Variants in CDH18 observed in about 807,000 individuals in gnomAD.
The protein encoded by CDH18 is cadherin 18.
A neutral mutation model predicts 67.9 loss-of-function variants in CDH18; 31 were observed. The observed-to-expected ratio is 0.46, with a 90% confidence interval of 0.34 to 0.62. The LOEUF (loss-of-function observed/expected upper bound fraction) is 0.62. CDH18 is among the 20% of genes least tolerant of loss of function. The pLI, the probability that CDH18 is intolerant of heterozygous loss-of-function variation, is 0.01. For synonymous variants in CDH18, 362 were observed against 347.2 expected (o/e 1.04, Z -0.48); for missense variants, 890 against 975.5 (o/e 0.91, Z 1.17).
intron 3 of CDH18, among the ~76,000 whole-genome samples, chr5:19,758,194 G>A (rs1771876334): frequency 2.6e-5 from 4 of 152,180 alleles, no homozygotes. Flanking sequence ...TGCTGTGTAT[G>A]ACCCACTTTA....
chr5:19,628,435 T>C (rs1188336087), intron 5 of CDH18, among the ~76,000 whole-genome samples: 3 of 152,112 alleles, frequency 2.0e-5, no homozygotes, highest in Non-Finnish European at 1.5e-5. Flanking sequence ...GGAACAATGA[T>C]AGAATTAAGG....
chr5:19,984,349 T>A (rs995109848), intron 1 of CDH18, among the ~76,000 whole-genome samples: 19 of 152,076 alleles, frequency 1.2e-4, no homozygotes, highest in African/African-American at 4.6e-4. Context: ...GTTTTATATG[T>A]CTACATTTTT....
intron 2 of CDH18, among the ~76,000 whole-genome samples, chr5:19,937,282 G>A (rs1274678819): frequency 6.6e-6 from 1 of 151,206 alleles, no homozygotes. Flanking sequence ...CTTTCATTCT[G>A]TATACTAGTC....
intron 5 of CDH18, among the ~76,000 whole-genome samples, chr5:19,630,114 T>C (rs115229510): frequency 2.6e-5 from 4 of 151,896 alleles, no homozygotes; most frequent in Non-Finnish European, 4.4e-5. Context: ...TTTGTTTTTT[T>C]AATTTTTAGT....
intron 1 of CDH18, among the ~76,000 whole-genome samples, chr5:20,430,456 C>T (rs1211405281): frequency 6.6e-6 from 1 of 152,148 alleles, no homozygotes; most frequent in Non-Finnish European, 1.5e-5. Context: ...TGCCATCTCA[C>T]AACACAGGTT....
At chr5:20,443,238 C>A (rs935291923) in intron 1 of CDH18, among the ~76,000 whole-genome samples, 19 of 136,298 alleles carry the variant, frequency 1.4e-4, no homozygotes, top group Admixed American at 2.2e-4. Flanking sequence ...AAAAGTATAT[C>A]TTTTGCAAAT....
intron 2 of CDH18, among the ~76,000 whole-genome samples, chr5:20,016,355 T>A (rs1042673767): frequency 2.0e-5 from 3 of 152,020 alleles, no homozygotes; most frequent in African/African-American, 7.2e-5. Flanking sequence ...AAAAAATAAC[T>A]CTTGGGTACT....
chr5:20,291,695 G>A (rs1299394357), intron 1 of CDH18, among the ~76,000 whole-genome samples: 1 of 152,072 alleles, frequency 6.6e-6, no homozygotes, highest in Non-Finnish European at 1.5e-5. Context: ...TTTTAAACAG[G>A]TTTACTCAAG....
chr5:20,181,462 C>T (rs1220364154), intron 2 of CDH18, among the ~76,000 whole-genome samples: 4 of 152,070 alleles, frequency 2.6e-5, no homozygotes, highest in Non-Finnish European at 4.4e-5. Flanking sequence ...AAGTAATGTG[C>T]CCCAACTGAG....
At chr5:20,540,261 G>C (rs190725684) in intron 1 of CDH18, among the ~76,000 whole-genome samples, 1 of 151,950 alleles carries the variant, frequency 6.6e-6, no homozygotes, top group African/African-American at 2.4e-5. Context: ...TAGTAATATC[G>C]AACAGACTTA....
chr5:19,897,077 T>C (rs1412154716), intron 2 of CDH18, among the ~76,000 whole-genome samples: 1 of 152,094 alleles, frequency 6.6e-6, no homozygotes, highest in African/African-American at 2.4e-5. Flanking sequence ...TAAGGAAATA[T>C]GTTAAGGTAA....
chr5:20,321,409 A>G (rs1040318016), intron 1 of CDH18, among the ~76,000 whole-genome samples: 11 of 152,112 alleles, frequency 7.2e-5, no homozygotes, highest in African/African-American at 2.7e-4. Context: ...GTTCTCAGCC[A>G]TAAGCCTCCT....
chr5:20,516,537 A>G (rs550349750), intron 1 of CDH18, among the ~76,000 whole-genome samples: 11 of 152,148 alleles, frequency 7.2e-5, no homozygotes, highest in Non-Finnish European at 1.5e-4. Context: ...ATTTATACAT[A>G]TAAAATAAGG....
chr5:19,729,696 C>T (rs1330980546), intron 4 of CDH18, among the ~76,000 whole-genome samples: 1 of 152,144 alleles, frequency 6.6e-6, no homozygotes, highest in Non-Finnish European at 1.5e-5. Flanking sequence ...CTGTTGTGCT[C>T]CTCTGCAGCC....
chr5:20,097,156 T>C (rs540617254), intron 2 of CDH18, among the ~76,000 whole-genome samples: 5 of 152,308 alleles, frequency 3.3e-5, no homozygotes, highest in Admixed American at 2.0e-4. Flanking sequence ...TTTATCTTTA[T>C]TTTTATGTGT....
chr5:20,012,874 A>G (rs1246185362), intron 2 of CDH18, among the ~76,000 whole-genome samples: 1 of 136,302 alleles, frequency 7.3e-6, no homozygotes, highest in African/African-American at 2.7e-5. Flanking sequence ...GGACACATAG[A>G]GGGGATCTAC....
intron 2 of CDH18, among the ~76,000 whole-genome samples, chr5:20,067,495 A>G (rs1743080122): frequency 6.6e-6 from 1 of 152,056 alleles, no homozygotes; most frequent in African/African-American, 2.4e-5. Context: ...GTCATAATAC[A>G]TTAGAAACAT....
intron 2 of CDH18, among the ~76,000 whole-genome samples, chr5:20,247,760 A>C (rs1202127144): frequency 3.5e-5 from 2 of 56,476 alleles, no homozygotes; most frequent in Admixed American, 3.8e-4. Context: ...CGAGACCATC[A>C]AAAAAAAAAA....
chr5:19,679,658 G>C (rs537172166), intron 5 of CDH18, among the ~76,000 whole-genome samples: 1 of 152,032 alleles, frequency 6.6e-6, no homozygotes, highest in South Asian at 2.1e-4. Context: ...TGTTGAAGCT[G>C]AGAGCCAAAT....
Sources: gnomAD v4.1 joint callset for allele counts (sites outside exome capture counted in the v4.1 genomes callset) on GRCh38, gnomAD v4.1.1 for gene constraint, MANE v1.5 for transcripts, NCBI Gene and HGNC (gene_info 2026-07-23, HGNC 2026-07-21) for gene names.